Variants in MYO18B observed in about 807,000 individuals in gnomAD.
MYO18B encodes the protein unconventional myosin-XVIIIb.
A neutral mutation model predicts 273.0 loss-of-function variants in MYO18B; 204 were observed. The ratio of observed to expected loss-of-function variants is 0.75; its 90% CI spans 0.67 to 0.84. MYO18B has a LOEUF of 0.84. Ranked by LOEUF, MYO18B falls within the 40% of genes least tolerant of loss-of-function variation. The pLI is 0.00. For missense variants in MYO18B, 3,212 were observed against 3,287.6 expected, an observed-to-expected ratio of 0.98 and a Z score of 0.56; for synonymous variants, 1,330 against 1,305.7, an observed-to-expected ratio of 1.02 and a Z score of -0.40.
intron 7 of MYO18B, among the ~76,000 whole-genome samples, chr22:25,776,638 G>A (rs1443101547): frequency 2.0e-5 from 3 of 152,132 alleles, no homozygotes; most frequent in African/African-American, 7.2e-5. Flanking sequence ...ACAACAGGTT[G>A]GGTGATTATC....
chr22:25,769,411 A>G lies in MYO18B; in HGVS notation c.1495A>G (p.Ser499Gly), dbSNP rs757763913. Residue 499 changes from serine (S) to glycine (G), a missense_variant, in exon 4 of 44, where the codon AGC becomes GGC. Coordinates refer to ENST00000335473, the MANE Select transcript of MYO18B (RefSeq NM_032608.7). ...APQEEGKGGQ[S>G]RDSDQAPEDR... ...GCAGGAGGAGGGCAAAGGAGGCCAGAGCAGAGACTCAGACCAGGTGAGGGG... is the reference window on the plus strand; with the variant it reads ...GCAGGAGGAGGGCAAAGGAGGCCAGGGCAGAGACTCAGACCAGGTGAGGGG... The G allele has an allele frequency of 1.9e-6, 3 of 1,554,922 alleles. No individual in the cohort carries two copies. The highest frequency in any genetic ancestry group is 2.6e-6 in the Non-Finnish European group (3 of 1,150,582).
chr22:25,936,799 A>G (rs895853691), intron 34 of MYO18B, among the ~76,000 whole-genome samples: 1 of 152,080 alleles, frequency 6.6e-6, no homozygotes, highest in African/African-American at 2.4e-5. Context: ...GTGTCCTCAC[A>G]TGGTAGAGAG....
chr22:25,775,196 C>T (rs573378430), intron 7 of MYO18B, among the ~76,000 whole-genome samples: 1 of 152,330 alleles, frequency 6.6e-6, no homozygotes, highest in South Asian at 2.1e-4. Flanking sequence ...AAGGCTGTGT[C>T]CAGCCAGTGT....
chr22:25,796,788 C>T (rs138739057), intron 11 of MYO18B, among the ~76,000 whole-genome samples: 8 of 152,202 alleles, frequency 5.3e-5, no homozygotes, highest in East Asian at 1.9e-4. Flanking sequence ...TCAGGAATAT[C>T]GTGGGGGCAC....
chr22:25,889,979 T>C (rs575762657), intron 25 of MYO18B, among the ~76,000 whole-genome samples: 13 of 152,248 alleles, frequency 8.5e-5, no homozygotes, highest in Non-Finnish European at 1.8e-4. Context: ...GCAAAGTAAT[T>C]TGAATACAAA....
At chr22:25,959,092 G>A (rs944287739) in intron 39 of MYO18B, 2 of 152,164 alleles carry the variant, frequency 1.3e-5, no homozygotes, top group African/African-American at 2.4e-5. Flanking sequence ...CTTCGTACAA[G>A]TATGGAGTTT....
rs1255416382 is a variant in MYO18B, at chr22:26,004,768, G to T, written c.6383G>T (p.Trp2128Leu). 1 of 1,613,922 alleles carries T rather than the reference G, an allele frequency of 6.2e-7. No homozygotes were observed. The highest frequency in any genetic ancestry group is 8.5e-7 in the Non-Finnish European group (1 of 1,179,832). ...SSQPEGSLQS[W>L]LSCTLSLATD... ...CAGCCAGAGGGCAGCCTGCAGTCCT[G>T]GTTGAGCTGTACTCTGTCCCTGGCC... The change falls in exon 42 of 44, where the codon TGG (tryptophan) becomes TTG (leucine). Residue 2128 changes from tryptophan (W) to leucine (L), a missense_variant. Transcript: ENST00000335473.
intron 11 of MYO18B, among the ~76,000 whole-genome samples, chr22:25,787,170 G>A (rs2087427128): frequency 6.6e-6 from 1 of 151,892 alleles, no homozygotes; most frequent in African/African-American, 2.4e-5. Flanking sequence ...AGCAGAGATT[G>A]TGCCACTGCA....
rs193068454 is a variant in MYO18B at position 25,971,115 on chromosome 22, G to A, written c.6156+15751G>A. Among the ~76,000 whole-genome samples, 64 of 152,296 alleles carry A rather than the reference G, an allele frequency of 4.2e-4. No individual in the cohort carries two copies. In the East Asian group the frequency reaches 6.2e-3, roughly 15 times the overall value. On this transcript the variant is annotated intron_variant, in intron 39 of 43. Transcript: ENST00000335473. ...GTCACAACTACTCAACTCTGCTGTC[G>A]CAGCACAAAAGCAGCCCTAGACATT...
chr22:25,854,627 T>C (rs1299469120), intron 21 of MYO18B, among the ~76,000 whole-genome samples: 1 of 152,244 alleles, frequency 6.6e-6, no homozygotes, highest in African/African-American at 2.4e-5. Flanking sequence ...CTTTTTCGTC[T>C]TGCAAAATTG....
chr22:26,035,129 A>T (rs1012782757), downstream of MYO18B, among the ~76,000 whole-genome samples: 1 of 152,144 alleles, frequency 6.6e-6, no homozygotes, highest in Non-Finnish European at 1.5e-5. Flanking sequence ...GCCTAAGTCC[A>T]GTTGCTCATA....
rs8142498 is a variant in MYO18B at position 25,824,944 on chromosome 22, A to G, written c.2695+1266A>G. 8.3e-3 allele frequency among the ~76,000 whole-genome samples: 1,265 copies of G among 152,294 alleles called. 17 individuals are homozygous for G. The highest frequency in any genetic ancestry group is 0.027 in the African/African-American group (1,106 of 41,556). ...ATCACACACATGCACAGACACTGGC[A>G]CACATATACTGCAAGCATACACAGC... On this transcript the variant is annotated intron_variant, in intron 13 of 43. Transcript: ENST00000335473.
rs79425397 is a variant in MYO18B, at chr22:25,771,003, C to T, written c.1692+19C>T. 2.7e-3 allele frequency: 4,036 copies of T among 1,515,702 alleles called. 91 individuals are homozygous for T. The African/African-American group carries it at 0.048, about 18-fold the overall frequency. 93.9% of individuals were successfully genotyped at this position (1,515,702 alleles called of 1,614,324 possible). A position where few individuals can be genotyped will look rare whatever the true frequency, so the allele number is the denominator to read the frequency against. On this transcript the variant is annotated intron_variant, in intron 6 of 43. Transcript: ENST00000335473. ...CCATCGGGTGAGTCCCCTGTCCCGC[C>T]GTCCCCCAGCATGAGTCCCCTGTCC...
chr22:26,009,680 G>T (rs1934726289), intron 42 of MYO18B, among the ~76,000 whole-genome samples: 1 of 152,014 alleles, frequency 6.6e-6, no homozygotes, highest in African/African-American at 2.4e-5. Flanking sequence ...AACTCTATCT[G>T]CTTGGCCTTG....
intron 39 of MYO18B, among the ~76,000 whole-genome samples, chr22:25,987,221 AAAC>A (rs754466039): frequency 6.6e-6 from 1 of 152,228 alleles, no homozygotes; most frequent in Non-Finnish European, 1.5e-5. Flanking sequence ...CAGAGAAAAC[AAAC>A]AACAAACAAC....
chr22:25,851,672 A>T, intron 21 of MYO18B, 93 bp downstream of exon 21: 1 of 914,156 alleles, frequency 1.1e-6, no homozygotes, highest in South Asian at 1.4e-5. Context: ...TGAGTGGCTC[A>T]TGCCTGTAAT....
At position 25,911,004 on chromosome 22, in the gene MYO18B, A is replaced by T. The variant is rs771051217; in HGVS notation, c.5318A>T (p.His1773Leu). The T allele has an allele frequency of 6.2e-7, 1 of 1,606,466 alleles. No individual in the cohort carries two copies. Among genetic ancestry groups the T allele is most frequent in the Admixed American group, 1.7e-5 (1 of 59,152 alleles). The change falls in exon 33 of 44, where the codon CAT becomes CTT. Residue 1773 changes from histidine (H) to leucine (L), a missense_variant. Physicochemically the swap from His to Leu is moderately conservative, Grantham distance 99. Coordinates refer to ENST00000335473, the MANE Select transcript of MYO18B (RefSeq NM_032608.7). ...TATGAAGAGAAGCAGATGGTCCTCC[A>T]TGAGAAGCAAGATTTGGAAGGCTTG... ...QEYEEKQMVLHEKQDLEGLIG... is the reference protein window; with the variant it reads ...QEYEEKQMVLLEKQDLEGLIG...
intron 1 of MYO18B, among the ~76,000 whole-genome samples, chr22:25,743,756 G>T (rs1399663513): frequency 6.6e-6 from 1 of 152,144 alleles, no homozygotes; most frequent in East Asian, 1.9e-4. Flanking sequence ...AACCTTGGAT[G>T]AGTACTCTCC....
chr22:26,027,200 G>A lies in MYO18B; in HGVS notation c.7226G>A (p.Arg2409His), dbSNP rs751617261. 23 of 1,613,880 alleles carry A rather than the reference G, an allele frequency of 1.4e-5. No individual in the cohort carries two copies. Among genetic ancestry groups the A allele is most frequent in the Non-Finnish European group, 1.8e-5 (21 of 1,179,874 alleles). The change falls in exon 43 of 44, where the codon CGC (arginine) becomes CAC (histidine). Residue 2409 changes from arginine to histidine, a missense_variant. Transcript: ENST00000335473. This position sits in a 1 kb window ranked among gnomAD's most constrained non-coding sequence, Gnocchi z 4.1. Reference protein sequence around the residue: ...LGKEPLVFQNRQFAHLMEEPL... With the variant: ...LGKEPLVFQNHQFAHLMEEPL... ...AAGGAGCCGCTTGTTTTCCAGAACC[G>A]CCAGTTTGCCCACCTGATGGAGGAA...
Sources: gnomAD v4.1 joint callset for allele counts (sites outside exome capture counted in the v4.1 genomes callset) on GRCh38, gnomAD v4.1.1 for gene constraint, Gnocchi (gnomAD v3.1) non-coding constraint, MANE v1.5 for transcripts, NCBI Gene and HGNC (gene_info 2026-07-23, HGNC 2026-07-21) for gene names.